Variants in FHAD1 observed in about 807,000 individuals in gnomAD.
FHAD1 encodes forkhead-associated domain-containing protein 1.
In FHAD1, 146 loss-of-function variants were observed where a neutral mutation model predicts 191.3. That is an observed-to-expected ratio of 0.76 (90% CI 0.67 to 0.88). The LOEUF (loss-of-function observed/expected upper bound fraction) is 0.88. Ranked by LOEUF, FHAD1 falls within the 40% of genes least tolerant of loss-of-function variation. The pLI is 0.00. For synonymous variants in FHAD1, 616 were observed against 672.3 expected (o/e 0.92, Z 1.29); for missense variants, 1,635 against 1,785.8 (o/e 0.92, Z 1.52).
chr1:15,237,507 G>A (rs1557878886), intron 1 of FHAD1, among the ~76,000 whole-genome samples: 1 of 151,984 alleles, frequency 6.6e-6, no homozygotes, highest in African/African-American at 2.4e-5. Flanking sequence ...TCCACCCCAC[G>A]TGGAAGCACG....
chr1:15,299,219 GAAAAA>G (rs796954256), intron 5 of FHAD1, among the ~76,000 whole-genome samples: 191 of 119,352 alleles, frequency 1.6e-3, no homozygotes, highest in Middle Eastern at 4.6e-3. Context: ...AAAAAAAAAG[GAAAAA>G]AAAAAAAAGA....
intron 1 of FHAD1, among the ~76,000 whole-genome samples, chr1:15,242,036 C>A (rs983179973): frequency 1.3e-5 from 2 of 152,132 alleles, no homozygotes; most frequent in African/African-American, 4.8e-5. Context: ...AGATCGAGAC[C>A]AGCCTGGCCA....
chr1:15,321,549 C>T (rs941791371), intron 10 of FHAD1, among the ~76,000 whole-genome samples: 1 of 152,318 alleles, frequency 6.6e-6, no homozygotes, highest in Admixed American at 6.5e-5. Flanking sequence ...AAACTTCTCT[C>T]TATATTTGAA....
chr1:15,331,614 G>A (rs1681586671), intron 14 of FHAD1, among the ~76,000 whole-genome samples: 1 of 149,874 alleles, frequency 6.7e-6, no homozygotes, highest in Non-Finnish European at 1.5e-5. Flanking sequence ...GTCTGTGGGT[G>A]GATGAATGGA....
At chr1:15,350,143 C>T (rs1212752560) in intron 19 of FHAD1, among the ~76,000 whole-genome samples, 1 of 152,232 alleles carries the variant, frequency 6.6e-6, no homozygotes, top group Non-Finnish European at 1.5e-5. Context: ...ATCCACCCAC[C>T]GATTTCAGTT....
chr1:15,381,317 GGA>G lies in FHAD1; in HGVS notation c.3892_3893del (p.Arg1298GlyfsTer16). 1.3e-6 allele frequency: 2 copies of G among 1,551,654 alleles called. No individual in the cohort carries two copies. The highest frequency in any genetic ancestry group is 1.7e-6 in the Non-Finnish European group (2 of 1,146,906). ...TGTCCATGAAATACCTCTCCCGCCA[GGA>G]GAGGGAGAAGGTCAACCAGCTTCGA... Reference protein sequence around the residue: ...HVSMKYLSRQEREKVNQLRQR... With the variant: ...HVSMKYLSRQXREKVNQLRQR... On this transcript the variant is annotated frameshift_variant, in exon 30 of 34. Transcript: ENST00000688493. LOFTEE classifies it high-confidence loss of function. This position sits in a 1 kb window ranked among gnomAD's most constrained non-coding sequence, Gnocchi z 4.6.
intron 31 of FHAD1, chr1:15,383,182 C>G: frequency 2.1e-6 from 1 of 471,646 alleles, no homozygotes; most frequent in Non-Finnish European, 4.4e-6. Flanking sequence ...GCCCCTGCCT[C>G]GCAGACAGAT....
intron 26 of FHAD1, among the ~76,000 whole-genome samples, chr1:15,371,445 T>G (rs1234744393): frequency 1.3e-5 from 2 of 152,208 alleles, no homozygotes; most frequent in East Asian, 1.9e-4. Context: ...CCTTCCTGCT[T>G]TCTAAGCCAG....
chr1:15,391,182 T>C (rs1703944367), intron 32 of FHAD1, 28 bp from the exon 33 acceptor site: 1 of 1,234,284 alleles, frequency 8.1e-7, no homozygotes, highest in African/African-American at 1.6e-5. Flanking sequence ...CTAAGCTAGA[T>C]TTTGTTCTTA....
At chr1:15,308,392 G>A (rs896167853) in intron 6 of FHAD1, among the ~76,000 whole-genome samples, 2 of 152,176 alleles carry the variant, frequency 1.3e-5, no homozygotes, top group African/African-American at 4.8e-5. Flanking sequence ...CCCTTTATGG[G>A]CACAAAGATA....
At chr1:15,261,592 C>T (rs1452625410) in intron 2 of FHAD1, among the ~76,000 whole-genome samples, 1 of 152,102 alleles carries the variant, frequency 6.6e-6, no homozygotes, top group Non-Finnish European at 1.5e-5. Flanking sequence ...AGCGTCTTCT[C>T]GGGGACTTGC....
intron 6 of FHAD1, among the ~76,000 whole-genome samples, chr1:15,303,585 C>A (rs2100946504): frequency 6.6e-6 from 1 of 152,320 alleles, no homozygotes; most frequent in African/African-American, 2.4e-5. Context: ...CGTGGTGGCT[C>A]ACGCCTGTAA....
rs1330463731 is a variant in FHAD1, at chr1:15,328,296, A to G, written c.1577A>G (p.Gln526Arg). The G allele has an allele frequency of 2.0e-6, 3 of 1,504,430 alleles. No individual in the cohort carries two copies. Among genetic ancestry groups the G allele is most frequent in the Non-Finnish European group, 2.7e-6 (3 of 1,130,956 alleles). The allele number at this position is 1,504,430 out of a possible 1,614,324, so 93.2% of individuals were successfully genotyped here. A position where few individuals can be genotyped will look rare whatever the true frequency, so the allele number is the denominator to read the frequency against. The change falls in exon 13 of 34, where the codon CAG becomes CGG. Residue 526 changes from glutamine to arginine, a missense_variant. Coordinates refer to ENST00000688493, the MANE Select transcript of FHAD1 (RefSeq NM_001391957.1). ...TDQQLIEKIT[Q>R]VTEDNINFQQ... ...CACCAGTTAATAGAGAAAATTACCC[A>G]GGTCACTGAGGACAACATCAATTTT... is the stretch of plus-strand genomic sequence containing the variant.
chr1:15,371,267 C>T (rs772208922), intron 26 of FHAD1, among the ~76,000 whole-genome samples: 17 of 152,212 alleles, frequency 1.1e-4, no homozygotes, highest in Non-Finnish European at 1.5e-4. Context: ...ACCAAACGCC[C>T]TTGGACTCTG....
intron 33 of FHAD1, among the ~76,000 whole-genome samples, chr1:15,395,694 C>G (rs1705709345): frequency 6.6e-6 from 1 of 152,236 alleles, no homozygotes; most frequent in South Asian, 2.1e-4. Context: ...AAATATACTT[C>G]ACTTTCTCCT....
chr1:15,393,369 T>G (rs1704784718), intron 33 of FHAD1, among the ~76,000 whole-genome samples: 1 of 151,582 alleles, frequency 6.6e-6, no homozygotes, highest in Non-Finnish European at 1.5e-5. Flanking sequence ...GGCCAAAAAT[T>G]CATTCTTTCT....
At chr1:15,323,321 G>A (rs1207457732) in intron 10 of FHAD1, among the ~76,000 whole-genome samples, 1 of 152,204 alleles carries the variant, frequency 6.6e-6, no homozygotes, top group Admixed American at 6.5e-5. Context: ...GAGAGGAGGA[G>A]CCAGAACAGA....
At chr1:15,291,294 C>A (rs1574029649) in intron 4 of FHAD1, among the ~76,000 whole-genome samples, 1 of 151,684 alleles carries the variant, frequency 6.6e-6, no homozygotes, top group Non-Finnish European at 1.5e-5. Flanking sequence ...GTTGGCCAGG[C>A]TGGTCTCAAA....
At chr1:15,389,447 C>CAAAAAAAAAAAAAA (rs570569622) in intron 32 of FHAD1, among the ~76,000 whole-genome samples, 12 of 54,224 alleles carry the variant, frequency 2.2e-4, no homozygotes, top group South Asian at 8.2e-4. Flanking sequence ...GAACCTGTCT[C>CAAAAAAAAAAAAAA]AAAAAAAAAA....
Sources: gnomAD v4.1 joint callset for allele counts (sites outside exome capture counted in the v4.1 genomes callset) on GRCh38, gnomAD v4.1.1 for gene constraint, Gnocchi (gnomAD v3.1) non-coding constraint, MANE v1.5 for transcripts, NCBI Gene and HGNC (gene_info 2026-07-23, HGNC 2026-07-21) for gene names.